Variants in LRMDA observed in about 807,000 individuals in gnomAD.
LRMDA encodes leucine rich melanocyte differentiation associated, also known as leucine-rich melanocyte differentiation-associated protein.
Under a neutral mutation model 29.8 loss-of-function variants are expected in LRMDA, and 18 were observed. The observed-to-expected ratio is 0.60, with a 90% CI of 0.42 to 0.90. LRMDA has a LOEUF of 0.90. Ranked by LOEUF, LRMDA falls within the 40% of genes least tolerant of loss-of-function variation. LRMDA has a pLI of 0.00. For synonymous variants in LRMDA, 125 were observed against 109.4 expected, an observed-to-expected ratio of 1.14 and a Z score of -0.89; for missense variants, 273 against 273.9, an observed-to-expected ratio of 1.00 and a Z score of 0.02.
At position 76,405,163 on chromosome 10, in the gene LRMDA, A is replaced by G. The variant is rs181417202; in HGVS notation, c.601+80678A>G. On this transcript the variant is annotated intron_variant, in intron 6 of 6. Coordinates refer to ENST00000611255, the MANE Select transcript of LRMDA (RefSeq NM_001305581.2). ...TTTGTTACAACAGCAATAAAAAACT[A>G]ATACAATTGGCAGGACCCAGACTCA... is the stretch of plus-strand genomic sequence containing the variant. 3.0e-3 allele frequency among the ~76,000 whole-genome samples: 453 copies of G among 152,300 alleles called. 3 individuals carry two copies. Among genetic ancestry groups the G allele is most frequent in the African/African-American group, 0.011 (445 of 41,568 alleles).
In LRMDA at chr10:75,566,831, A is replaced by G. The variant is rs1840378860; in HGVS notation, c.131+128337A>G. ...TCTAGACATTGGCTGTCCTTCTGGA[A>G]CCTCAGAAATACTCCATCCAAACCA... On this transcript the variant is annotated intron_variant, in intron 2 of 6. Transcript: ENST00000611255. Among the ~76,000 whole-genome samples the G allele has an allele frequency of 2.0e-5, 3 of 152,128 alleles. No homozygotes were observed. In the South Asian group the frequency reaches 6.2e-4, roughly 31 times the overall value.
At chr10:76,289,656 G>A (rs1365134343) in intron 5 of LRMDA, among the ~76,000 whole-genome samples, 1 of 152,170 alleles carries the variant, frequency 6.6e-6, no homozygotes, top group Admixed American at 6.5e-5. Flanking sequence ...GTACGGTGAG[G>A]CATTGGGCTT....
chr10:75,479,367 C>T (rs1003187686), intron 2 of LRMDA, among the ~76,000 whole-genome samples: 6 of 151,912 alleles, frequency 3.9e-5, no homozygotes, highest in East Asian at 1.9e-4. Flanking sequence ...ATTAGCCGGG[C>T]GTGGTCACAG....
chr10:76,439,903 C>T (rs527721015), intron 6 of LRMDA, among the ~76,000 whole-genome samples: 11 of 152,296 alleles, frequency 7.2e-5, no homozygotes, highest in African/African-American at 1.2e-4. Flanking sequence ...AGGTTCTTTA[C>T]GGCAGAGTTT....
At chr10:76,393,909 A>G (rs2132487190) in intron 6 of LRMDA, among the ~76,000 whole-genome samples, 1 of 152,204 alleles carries the variant, frequency 6.6e-6, no homozygotes, top group South Asian at 2.1e-4. Context: ...TTGTTTATTG[A>G]GGAGACCGTC....
chr10:75,529,588 G>A (rs1391777995), intron 2 of LRMDA, among the ~76,000 whole-genome samples: 1 of 152,178 alleles, frequency 6.6e-6, no homozygotes, highest in Non-Finnish European at 1.5e-5. Context: ...GTGGTTGGGA[G>A]AGAAAGCTCC....
At chr10:76,155,900 A>G (rs1325148598) in intron 5 of LRMDA, among the ~76,000 whole-genome samples, 8 of 152,228 alleles carry the variant, frequency 5.3e-5, no homozygotes, top group African/African-American at 1.7e-4. Flanking sequence ...ACTCTCAAAT[A>G]TCTTAAAATG....
chr10:76,394,862 A>C (rs1016597130), intron 6 of LRMDA, among the ~76,000 whole-genome samples: 14 of 152,172 alleles, frequency 9.2e-5, no homozygotes, highest in African/African-American at 3.4e-4. Flanking sequence ...TTAATCTTCC[A>C]AAGGGGTTTT....
At chr10:75,447,890 A>G (rs1394617362) in intron 2 of LRMDA, among the ~76,000 whole-genome samples, 4 of 152,224 alleles carry the variant, frequency 2.6e-5, no homozygotes, top group African/African-American at 9.7e-5. Context: ...CCCAGTCTCA[A>G]CAACAAACAA....
At chr10:76,359,200 T>A (rs2132441809) in intron 6 of LRMDA, among the ~76,000 whole-genome samples, 1 of 152,292 alleles carries the variant, frequency 6.6e-6, no homozygotes, top group Non-Finnish European at 1.5e-5. Context: ...CAGACCAGAC[T>A]AATGCTGGTA....
intron 6 of LRMDA, 21 bp from the exon 7 acceptor site, chr10:76,557,188 T>C (rs1228345804): frequency 6.3e-7 from 1 of 1,598,082 alleles, no homozygotes; most frequent in Non-Finnish European, 8.6e-7. Context: ...CCTGTAATGA[T>C]GTGTGTCTTT....
chr10:75,529,910 A>G (rs997104702), intron 2 of LRMDA, among the ~76,000 whole-genome samples: 1 of 152,172 alleles, frequency 6.6e-6, no homozygotes, highest in Non-Finnish European at 1.5e-5. Context: ...CACAGTAGGA[A>G]ATCAATGGCT....
rs551638060 is a variant in LRMDA at position 75,728,564 on chromosome 10, A to G, written c.131+290070A>G. 1.4e-4 allele frequency among the ~76,000 whole-genome samples: 21 copies of G among 152,038 alleles called. No homozygotes were observed. The South Asian group carries it at 4.4e-3, about 32-fold the overall frequency. On this transcript the variant is annotated intron_variant, in intron 2 of 6. Transcript: ENST00000611255. ...AAAGACACATCTGAAACTTGAATGAATGGTGGAAATTCATAAATGAAGAAG... is the reference window on the plus strand; with the variant it reads ...AAAGACACATCTGAAACTTGAATGAGTGGTGGAAATTCATAAATGAAGAAG...
chr10:75,848,833 G>C (rs530509818), intron 2 of LRMDA, among the ~76,000 whole-genome samples: 1 of 152,136 alleles, frequency 6.6e-6, no homozygotes, highest in Non-Finnish European at 1.5e-5. Context: ...TTCTCTTTGG[G>C]AGGGAAAAGT....
intron 6 of LRMDA, among the ~76,000 whole-genome samples, chr10:76,419,338 G>C (rs1842050269): frequency 6.6e-6 from 1 of 151,890 alleles, no homozygotes. Context: ...GAATCATACA[G>C]CATGTATCCT....
intron 5 of LRMDA, among the ~76,000 whole-genome samples, chr10:76,142,938 G>A (rs541028547): frequency 5.3e-5 from 8 of 151,428 alleles, no homozygotes; most frequent in African/African-American, 9.8e-5. Flanking sequence ...GAGAACATGC[G>A]GTGTTTGGTT....
At chr10:75,742,177 G>A (rs1029862289) in intron 2 of LRMDA, among the ~76,000 whole-genome samples, 1 of 152,204 alleles carries the variant, frequency 6.6e-6, no homozygotes, top group Non-Finnish European at 1.5e-5. Flanking sequence ...TAAGATGCAC[G>A]TTCCTTGCTC....
At chr10:76,429,045 C>CACACACAA (rs1842162026) in intron 6 of LRMDA, among the ~76,000 whole-genome samples, 1 of 151,970 alleles carries the variant, frequency 6.6e-6, no homozygotes, top group Non-Finnish European at 1.5e-5. Flanking sequence ...CACACAAACA[C>CACACACAA]ACACACACAC....
At chr10:75,823,114 TA>T (rs1373568140) in intron 2 of LRMDA, among the ~76,000 whole-genome samples, 1 of 151,952 alleles carries the variant, frequency 6.6e-6, no homozygotes, top group Non-Finnish European at 1.5e-5. Context: ...AGTAGACAAA[TA>T]AGACTTAATT....
Sources: allele counts gnomAD v4.1 joint callset (sites outside exome capture counted in the v4.1 genomes callset), GRCh38; gene constraint gnomAD v4.1.1; transcripts MANE v1.5; gene names NCBI Gene and HGNC (gene_info 2026-07-23, HGNC 2026-07-21).